Variants in NUP133 observed in about 807,000 individuals in gnomAD.
NUP133 encodes the protein nuclear pore complex protein Nup133.
NUP133 carries 66 observed loss-of-function variants against 146.2 expected under a neutral mutation model. That is an observed-to-expected ratio of 0.45 (90% CI 0.37 to 0.55). The LOEUF (loss-of-function observed/expected upper bound fraction) is 0.55. NUP133 is among the 20% of genes least tolerant of loss of function. The pLI is 0.00. For missense variants in NUP133, 1,277 were observed against 1,374.8 expected, an observed-to-expected ratio of 0.93 and a Z score of 1.12; for synonymous variants, 521 against 498.8, an observed-to-expected ratio of 1.04 and a Z score of -0.59.
At chr1:229,501,975 T>G in intron 3 of NUP133, 24 bp downstream of exon 3, 1 of 1,521,884 alleles carries the variant, frequency 6.6e-7, no homozygotes, top group Non-Finnish European at 9.1e-7. Context: ...TCTATCTTGT[T>G]CCAGCTCTCT....
chr1:229,460,799 A>G lies in NUP133; in HGVS notation c.2686-30T>C, dbSNP rs1360207586. On this transcript the variant is annotated intron_variant, in intron 19 of 25. Transcript: ENST00000261396. ...AAATAACAGAACATAGAATTCATTC[A>G]TAATAGTTTAAAAAAACACATTTCT... The G allele has an allele frequency of 9.6e-6, 15 of 1,561,174 alleles. No homozygotes were observed. In the Admixed American group the frequency reaches 2.7e-4, roughly 29 times the overall value.
Position 229,470,687 on chromosome 1 carries a change from G to T in NUP133, c.1969C>A (p.His657Asn). The T allele has an allele frequency of 6.2e-7, 1 of 1,614,172 alleles. No homozygotes were observed. The highest frequency in any genetic ancestry group is 8.5e-7 in the Non-Finnish European group (1 of 1,180,026). Residue 657 changes from histidine (H) to asparagine (N), a missense_variant, in exon 15 of 26, where the codon CAC (histidine) becomes AAC (asparagine). His to Asn is a moderately conservative substitution (Grantham distance 68). Coordinates refer to ENST00000261396, the MANE Select transcript of NUP133 (RefSeq NM_018230.3). ...TTGACAAGGTCAGAAAGCCGGGAGTGGTGGTTCTTGAGAACAATGGCGGCT... is the reference window on the plus strand; with the variant it reads ...TTGACAAGGTCAGAAAGCCGGGAGTTGTGGTTCTTGAGAACAATGGCGGCT... ...LSAAIVLKNH[H>N]SRLSDLVNTA...
At chr1:229,461,237 C>G (rs943191856) in intron 19 of NUP133, among the ~76,000 whole-genome samples, 1 of 152,092 alleles carries the variant, frequency 6.6e-6, no homozygotes, top group Non-Finnish European at 1.5e-5. Context: ...TCTGCGCCAG[C>G]TGGCCACATG....
chr1:229,504,569 T>C (rs1661886965), intron 2 of NUP133, among the ~76,000 whole-genome samples: 3 of 152,188 alleles, frequency 2.0e-5, no homozygotes, highest in Non-Finnish European at 4.4e-5. Flanking sequence ...GTCATAAATT[T>C]GTGCACACAG....
chr1:229,503,789 C>G (rs1422859221), intron 2 of NUP133, among the ~76,000 whole-genome samples: 2 of 152,128 alleles, frequency 1.3e-5, no homozygotes, highest in African/African-American at 2.4e-5. Context: ...TGGCAGGTTT[C>G]TAAGTGGGGA....
chr1:229,494,516 T>G (rs1201351420), intron 8 of NUP133, among the ~76,000 whole-genome samples: 8 of 152,258 alleles, frequency 5.3e-5, no homozygotes, highest in Admixed American at 5.2e-4. Flanking sequence ...AGTTGTCATC[T>G]GAAGGATTAC....
chr1:229,494,872 A>G (rs756006754), intron 8 of NUP133, among the ~76,000 whole-genome samples: 1 of 152,238 alleles, frequency 6.6e-6, no homozygotes, highest in Non-Finnish European at 1.5e-5. Flanking sequence ...GGGCAGCCAC[A>G]GCAGTGGGCA....
intron 24 of NUP133, chr1:229,448,759 T>C (rs61558428): frequency 0.038 from 8,906 of 231,734 alleles, 711 homozygotes; most frequent in African/African-American, 0.18. Flanking sequence ...AATTGGTAGG[T>C]GTGTTTTCCT....
intron 1 of NUP133, chr1:229,507,855 C>A: frequency 1.1e-6 from 1 of 928,102 alleles, no homozygotes; most frequent in African/African-American, 1.8e-5. Flanking sequence ...ACAAAGGTAT[C>A]CATGAAAAAT....
intron 25 of NUP133, among the ~76,000 whole-genome samples, chr1:229,443,484 T>C (rs1660229709): frequency 6.6e-6 from 1 of 152,180 alleles, no homozygotes; most frequent in Non-Finnish European, 1.5e-5. Context: ...ACCTTGTGGG[T>C]AATTTAAATA....
At position 229,464,535 on chromosome 1, in the gene NUP133, C is replaced by T. The variant is rs560935975; in HGVS notation, c.2551+89G>A. The T allele has an allele frequency of 5.9e-5, 85 of 1,432,056 alleles. 2 individuals are homozygous for T. The South Asian group carries it at 1.1e-3, about 18-fold the overall frequency. The allele number at this position is 1,432,056 out of a possible 1,614,324, so 88.7% of individuals were successfully genotyped here. ...AAGTTCTTTATTACAGTTGGATTAA[C>T]ACTACCACACTGAATATACTGAATT... On this transcript the variant is annotated intron_variant, in intron 18 of 25. Transcript: ENST00000261396.
Position 229,457,641 on chromosome 1 carries a change from CTCT to C in NUP133, c.2980+517_2980+519del, listed in dbSNP as rs1035822098. 1.1e-4 allele frequency among the ~76,000 whole-genome samples: 17 copies of C among 151,790 alleles called. 1 individual carries two copies. The highest frequency in any genetic ancestry group is 3.9e-4 in the African/African-American group (16 of 41,410). ...TGTTGTTTTAATTTTTTTGTTAATTCTCTTGTTGTAATTTTAATTGTTGTTGAA... is the reference window on the plus strand; with the variant it reads ...TGTTGTTTTAATTTTTTTGTTAATTCTGTTGTAATTTTAATTGTTGTTGAA... On this transcript the variant is annotated intron_variant, in intron 21 of 25. Coordinates refer to ENST00000261396, the MANE Select transcript of NUP133 (RefSeq NM_018230.3).
intron 9 of NUP133, among the ~76,000 whole-genome samples, chr1:229,489,581 C>G (rs1392886896): frequency 2.0e-5 from 3 of 152,184 alleles, no homozygotes; most frequent in Non-Finnish European, 2.9e-5. Flanking sequence ...AAATTTGACC[C>G]TGAAATGGGC....
At chr1:229,458,366 C>T in intron 20 of NUP133, 70 bp from the exon 21 acceptor site, 1 of 1,521,172 alleles carries the variant, frequency 6.6e-7, no homozygotes, top group Non-Finnish European at 8.9e-7. Flanking sequence ...GGTAAGTAAA[C>T]CCCAAACTTG....
chr1:229,449,871 A>ATTT (rs1558088552), intron 23 of NUP133, among the ~76,000 whole-genome samples: 3 of 102,036 alleles, frequency 2.9e-5, no homozygotes, highest in African/African-American at 8.9e-5. Flanking sequence ...ATATATATAT[A>ATTT]TATTTTTTTT....
In NUP133 at chr1:229,452,559, G is replaced by A. The variant is rs751402996; in HGVS notation, c.3065C>T (p.Ala1022Val). The A allele has an allele frequency of 3.9e-5, 63 of 1,613,690 alleles. No homozygotes were observed. Among genetic ancestry groups the A allele is most frequent in the Non-Finnish European group, 5.1e-5 (60 of 1,179,770 alleles). ...LLAEKQLNLS[A>V]MPVLTAPQLI... ...TTGTGGTGCAGTCAATACTGGCATC[G>A]CACTGAGATTTAGCTGTTTCTCCGC... The change falls in exon 22 of 26, where the codon GCG becomes GTG. Residue 1022 changes from alanine to valine, a missense_variant. Around this residue, in one of 3 missense-constraint regions of NUP133, gnomAD observed 952 missense variants for 1,047.0 expected, o/e 0.91. Coordinates refer to ENST00000261396, the MANE Select transcript of NUP133 (RefSeq NM_018230.3).
intron 2 of NUP133, 47 bp downstream of exon 2, chr1:229,505,993 C>T: frequency 9.3e-7 from 1 of 1,080,084 alleles, no homozygotes; most frequent in Non-Finnish European, 1.4e-6. Flanking sequence ...CACATCTAGG[C>T]TCCATTTTAA....
intron 19 of NUP133, among the ~76,000 whole-genome samples, chr1:229,463,278 C>A (rs1660732272): frequency 6.6e-6 from 1 of 152,104 alleles, no homozygotes; most frequent in Non-Finnish European, 1.5e-5. Context: ...GTGGTCCCAT[C>A]TACTGGAAAG....
chr1:229,482,987 C>T (rs952068937), intron 12 of NUP133, among the ~76,000 whole-genome samples: 15 of 152,206 alleles, frequency 9.9e-5, no homozygotes, highest in African/African-American at 3.6e-4. Context: ...AGTAAAACTG[C>T]CCCGAGTCCA....
Sources: allele counts gnomAD v4.1 joint callset (sites outside exome capture counted in the v4.1 genomes callset), GRCh38; gene constraint gnomAD v4.1.1; regional missense constraint gnomAD v4.1.1; transcripts MANE v1.5; gene names NCBI Gene and HGNC (gene_info 2026-07-23, HGNC 2026-07-21).